NBEA: variants seen among roughly 807,000 people sequenced by gnomAD.
NBEA encodes the protein neurobeachin.
In NBEA, 44 loss-of-function variants were observed where a neutral mutation model predicts 343.4. That is an observed-to-expected ratio of 0.13 (90% CI 0.10 to 0.16). NBEA has a LOEUF of 0.16. Ranked by LOEUF, NBEA falls within the 10% of genes least tolerant of loss-of-function variation. NBEA has a pLI of 1.00. For synonymous variants in NBEA, 1,175 were observed against 1,238.7 expected (o/e 0.95, Z 1.08); for missense variants, 2,555 against 3,631.3 (o/e 0.70, Z 7.62).
intron 45 of NBEA, among the ~76,000 whole-genome samples, chr13:35,572,713 TTTGTTGTTGTTGTTGTTG>T (rs151081649): frequency 6.7e-6 from 1 of 150,360 alleles, no homozygotes; most frequent in African/African-American, 2.4e-5. Context: ...GCAAGTTGGG[TTTGTTGTTGTTGTTGTTG>T]TTGTTGTTGT....
chr13:35,049,646 T>C (rs1258744320), intron 5 of NBEA, among the ~76,000 whole-genome samples: 1 of 151,814 alleles, frequency 6.6e-6, no homozygotes, highest in Non-Finnish European at 1.5e-5. Context: ...TTTTGGGAGA[T>C]CATACATTAA....
chr13:34,989,905 C>A (rs181017526), intron 1 of NBEA, among the ~76,000 whole-genome samples: 1 of 150,950 alleles, frequency 6.6e-6, no homozygotes, highest in Non-Finnish European at 1.5e-5. Context: ...AGGGAGAAAT[C>A]GGCCAAAACA....
chr13:35,351,666 T>C (rs1202345356), intron 37 of NBEA, among the ~76,000 whole-genome samples: 1 of 151,978 alleles, frequency 6.6e-6, no homozygotes, highest in Non-Finnish European at 1.5e-5. Flanking sequence ...GGAGTTTGCA[T>C]ATTTTGTGAA....
chr13:35,229,023 AGTTTTT>A (rs2074822422), intron 33 of NBEA, among the ~76,000 whole-genome samples: 1 of 151,968 alleles, frequency 6.6e-6, no homozygotes. Context: ...CTAAATGAAT[AGTTTTT>A]GTTTTTGTTT....
rs191648262 is a variant in NBEA at position 35,312,020 on chromosome 13, A to G, written c.5903+2428A>G. 1.2e-4 allele frequency among the ~76,000 whole-genome samples: 18 copies of G among 152,342 alleles called. No homozygotes were observed. In the East Asian group the frequency reaches 3.3e-3, roughly 28 times the overall value. The stretch of plus-strand genomic sequence containing the variant: ...ACATGAATAGCTGTAAATATATAAG[A>G]ACAAATCATGTATGCATGAGTGCAG... On this transcript the variant is annotated intron_variant, in intron 36 of 58. Transcript: ENST00000379939.
At chr13:34,995,316 G>T (rs745498991) in intron 1 of NBEA, among the ~76,000 whole-genome samples, 4 of 151,930 alleles carry the variant, frequency 2.6e-5, no homozygotes, top group Non-Finnish European at 5.9e-5. Flanking sequence ...AATGAGCCTG[G>T]CATGGTGGCA....
At chr13:35,062,654 G>T (rs1352205927) in intron 8 of NBEA, among the ~76,000 whole-genome samples, 17 of 151,718 alleles carry the variant, frequency 1.1e-4, no homozygotes, top group Admixed American at 1.1e-3. Flanking sequence ...CATCTCATCA[G>T]AAAGCAGTAA....
At chr13:35,327,035 C>T (rs1009361269) in intron 36 of NBEA, among the ~76,000 whole-genome samples, 7 of 151,942 alleles carry the variant, frequency 4.6e-5, no homozygotes, top group African/African-American at 1.4e-4. Context: ...AAATGTTCAA[C>T]ATCACTAATC....
At chr13:35,048,772 T>G in intron 5 of NBEA, 88 bp downstream of exon 5, 1 of 710,456 alleles carries the variant, frequency 1.4e-6, no homozygotes, top group South Asian at 2.4e-5. Context: ...AGATAGAATA[T>G]ATGTATATAT....
At chr13:35,523,533 C>A (rs1200600321) in intron 41 of NBEA, among the ~76,000 whole-genome samples, 1 of 152,112 alleles carries the variant, frequency 6.6e-6, no homozygotes, top group Non-Finnish European at 1.5e-5. Context: ...TGAGAGACAG[C>A]AGCTTAAAGT....
At chr13:35,278,260 A>T (rs953829939) in intron 34 of NBEA, among the ~76,000 whole-genome samples, 1 of 151,918 alleles carries the variant, frequency 6.6e-6, no homozygotes, top group African/African-American at 2.4e-5. Flanking sequence ...TAAGGATGTT[A>T]TAAATTTGAA....
intron 45 of NBEA, among the ~76,000 whole-genome samples, chr13:35,578,433 G>T (rs1422402360): frequency 2.0e-5 from 3 of 152,126 alleles, no homozygotes; most frequent in Non-Finnish European, 4.4e-5. Context: ...AAGGCAGAAG[G>T]ATCACTTGAG....
chr13:35,482,313 C>T (rs1467455238), intron 41 of NBEA, among the ~76,000 whole-genome samples: 2 of 151,152 alleles, frequency 1.3e-5, no homozygotes, highest in African/African-American at 4.8e-5. Flanking sequence ...TATAAATTTT[C>T]TTTATATCTT....
chr13:35,124,689 GATAT>G (rs1203126049), intron 17 of NBEA, among the ~76,000 whole-genome samples: 1 of 149,116 alleles, frequency 6.7e-6, no homozygotes, highest in African/African-American at 2.5e-5. Context: ...CACATGTATG[GATAT>G]ATATACACAC....
chr13:35,251,727 C>T (rs779159455), intron 34 of NBEA: 5 of 293,296 alleles, frequency 1.7e-5, no homozygotes, highest in South Asian at 1.3e-4. Flanking sequence ...GATGACTACC[C>T]GATGGAGCTG....
intron 38 of NBEA, among the ~76,000 whole-genome samples, chr13:35,354,800 A>G (rs1169494221): frequency 6.6e-6 from 1 of 152,130 alleles, no homozygotes; most frequent in Non-Finnish European, 1.5e-5. Flanking sequence ...TAAAAATACT[A>G]CTAATATGTT....
chr13:35,641,145 A>T (rs1006948616), intron 49 of NBEA, among the ~76,000 whole-genome samples: 2 of 152,110 alleles, frequency 1.3e-5, no homozygotes, highest in African/African-American at 4.8e-5. Flanking sequence ...TTTATTAATA[A>T]GTTATCAGTA....
chr13:35,086,936 C>T (rs2064801807), intron 10 of NBEA, among the ~76,000 whole-genome samples: 1 of 151,644 alleles, frequency 6.6e-6, no homozygotes, highest in Admixed American at 6.6e-5. Flanking sequence ...TTGACAATTT[C>T]TGTGTCTTCT....
chr13:35,532,917 C>G (rs550841025), intron 41 of NBEA, among the ~76,000 whole-genome samples: 4 of 151,754 alleles, frequency 2.6e-5, no homozygotes, highest in Admixed American at 1.3e-4. Context: ...TCTAAATATT[C>G]ATGTGCATAG....
Sources: gnomAD v4.1 joint callset for allele counts (sites outside exome capture counted in the v4.1 genomes callset) on GRCh38, gnomAD v4.1.1 for gene constraint, MANE v1.5 for transcripts, NCBI Gene and HGNC (gene_info 2026-07-23, HGNC 2026-07-21) for gene names.